LIPN: variants seen among roughly 807,000 people sequenced by gnomAD.
The protein encoded by LIPN is lipase member N.
Under a neutral mutation model 43.7 loss-of-function variants are expected in LIPN, and 32 were observed. The observed-to-expected ratio is 0.73, with a 90% CI of 0.55 to 0.98. The LOEUF is 0.98. LIPN is among the 50% of genes least tolerant of loss of function. LIPN has a pLI of 0.00. For synonymous variants in LIPN, 156 were observed against 157.6 expected (o/e 0.99, Z 0.08); for missense variants, 505 against 483.8 (o/e 1.04, Z -0.41).
At chr10:88,776,463 T>G (rs918002894) in intron 9 of LIPN, among the ~76,000 whole-genome samples, 1 of 152,132 alleles carries the variant, frequency 6.6e-6, no homozygotes, top group Non-Finnish European at 1.5e-5. Flanking sequence ...AGAGTGTTAA[T>G]GTCCTTAGAA....
At chr10:88,776,715 A>G (rs1202559906) in intron 9 of LIPN, among the ~76,000 whole-genome samples, 1 of 152,094 alleles carries the variant, frequency 6.6e-6, no homozygotes, top group African/African-American at 2.4e-5. Context: ...GTGTTTTCTC[A>G]TCTGGAAGAG....
chr10:88,761,258 T>TTTA lies in LIPN; in HGVS notation c.-8-137_-8-135dup, dbSNP rs1199879204. On this transcript the variant is annotated intron_variant, in intron 1 of 9. Transcript: ENST00000404459. ...TAGTGCTCCAAGTTAGTTCACTGTA[T>TTTA]TTATTCCTTTTTATACATTATCTGC... The TTTA allele has an allele frequency of 6.4e-6, 4 of 628,878 alleles. No homozygotes were observed. The African/African-American group carries it at 7.3e-5, about 11-fold the overall frequency. 39.0% of individuals were successfully genotyped at this position (628,878 alleles called of 1,614,324 possible). A position where few individuals can be genotyped will look rare whatever the true frequency, so the allele number is the denominator to read the frequency against.
chr10:88,759,220 G>T (rs1239517174), upstream of LIPN, among the ~76,000 whole-genome samples: 4 of 152,010 alleles, frequency 2.6e-5, no homozygotes, highest in Non-Finnish European at 4.4e-5. Context: ...CATTTTTTTT[G>T]AAAGGATTTG....
rs745749960 is a variant in LIPN, at chr10:88,764,483, T to A, written c.300T>A (p.Asn100Lys). The change falls in exon 4 of 10, where the codon AAT becomes AAA. Residue 100 changes from asparagine (N) to lysine (K), a missense_variant. Transcript: ENST00000404459. ...DNAYWLENYA[N>K]GSLGFLLADA... is the part of the protein sequence containing the mutation. ...CCTACTGGCTTGAGAATTATGCTAA[T>A]GGAAGCCTTGGATTCCTTCTAGCAG... The A allele has an allele frequency of 3.1e-6, 5 of 1,612,306 alleles. No homozygotes were observed. The African/African-American group carries it at 6.7e-5, about 22-fold the overall frequency.
At chr10:88,768,076 C>T (rs1190169354) in intron 5 of LIPN, among the ~76,000 whole-genome samples, 8 of 148,702 alleles carry the variant, frequency 5.4e-5, no homozygotes, top group Admixed American at 5.4e-4. Context: ...CAGTGGAGGC[C>T]CAGGAAGGGA....
intron 7 of LIPN, 61 bp downstream of exon 7, chr10:88,771,052 C>A: frequency 7.6e-7 from 1 of 1,313,420 alleles, no homozygotes; most frequent in South Asian, 1.4e-5. Flanking sequence ...TCCTTTGACT[C>A]ATTTTGATAT....
At chr10:88,764,197 C>T (rs917963380) in intron 3 of LIPN, among the ~76,000 whole-genome samples, 1 of 151,956 alleles carries the variant, frequency 6.6e-6, no homozygotes, top group East Asian at 1.9e-4. Flanking sequence ...GCACCAGGTA[C>T]AAAAATATGT....
chr10:88,762,737 C>A (rs954271362), intron 3 of LIPN, among the ~76,000 whole-genome samples: 3 of 152,052 alleles, frequency 2.0e-5, no homozygotes, highest in African/African-American at 7.2e-5. Flanking sequence ...CCTCCCTCTG[C>A]AGGATAAAAA....
In LIPN at chr10:88,778,257, CT is replaced by C. The variant is rs1402747302; in HGVS notation, c.*19del. The C allele has an allele frequency of 6.4e-7, 1 of 1,554,936 alleles. No homozygotes were observed. Among genetic ancestry groups the C allele is most frequent in the Non-Finnish European group, 8.8e-7 (1 of 1,138,168 alleles). On this transcript the variant is annotated 3_prime_UTR_variant, in exon 10 of 10. Transcript: ENST00000404459. ...CATATTCCTAAATGCAATGCATTTA[CT>C]TTTCAATTAAAAGTTGCTTCCAAGC...
At chr10:88,761,338 T>C in intron 1 of LIPN, 60 bp from the exon 2 acceptor site, 1 of 980,990 alleles carries the variant, frequency 1.0e-6, no homozygotes, top group Non-Finnish European at 1.6e-6. Flanking sequence ...AATCATTTTA[T>C]TTCATTAATC....
At chr10:88,771,722 G>C in intron 7 of LIPN, among the ~76,000 whole-genome samples, 1 of 150,540 alleles carries the variant, frequency 6.6e-6, no homozygotes, top group Non-Finnish European at 1.5e-5. Context: ...GGGTGCAGAT[G>C]TCTCTTCCAT....
At chr10:88,759,594 C>T (rs554446493), upstream of LIPN, among the ~76,000 whole-genome samples, 4 of 152,184 alleles carry the variant, frequency 2.6e-5, no homozygotes, top group South Asian at 8.3e-4. Context: ...GTCAGGGTTG[C>T]CTCATCTTCT....
chr10:88,772,715 C>G (rs2134855580), intron 7 of LIPN, among the ~76,000 whole-genome samples: 1 of 151,452 alleles, frequency 6.6e-6, no homozygotes, highest in Non-Finnish European at 1.5e-5. Flanking sequence ...TCTTTTTTCT[C>G]AGAATCTTAT....
chr10:88,775,276 C>A, intron 9 of LIPN, 113 bp downstream of exon 9: 1 of 533,448 alleles, frequency 1.9e-6, no homozygotes, highest in Non-Finnish European at 3.1e-6. Flanking sequence ...ACTGATAGAA[C>A]TTTTTTTTAA....
intron 6 of LIPN, among the ~76,000 whole-genome samples, chr10:88,770,588 T>C (rs1029758537): frequency 3.3e-5 from 5 of 151,876 alleles, no homozygotes; most frequent in African/African-American, 1.2e-4. Context: ...TTTTCCTGAA[T>C]AATTTGGTCT....
At chr10:88,768,751 T>A in intron 5 of LIPN, 41 bp from the exon 6 acceptor site, 1 of 1,583,600 alleles carries the variant, frequency 6.3e-7, no homozygotes, top group African/African-American at 1.4e-5. Context: ...ACTGCGTAAG[T>A]ATTTATTTTT....
At chr10:88,777,494 A>C (rs997955074) in intron 9 of LIPN, among the ~76,000 whole-genome samples, 1 of 151,776 alleles carries the variant, frequency 6.6e-6, no homozygotes. Context: ...CCGAGAAATG[A>C]CCCTTGTCTC....
Position 88,770,937 on chromosome 10 carries a change from A to G in LIPN, c.765A>G (p.Ile255Met). ...KICNNKILWL[I>M]CSEFMSLWAG... ...GCAACAATAAGATACTCTGGTTGAT[A>G]TGTAGCGAATTTATGTCCTTATGGG... Residue 255 changes from isoleucine to methionine, a missense_variant, in exon 7 of 10, where the codon ATA (isoleucine) becomes ATG (methionine). Physicochemically the swap from Ile to Met is conservative, Grantham distance 10 (BLOSUM62 1). Coordinates refer to ENST00000404459, the MANE Select transcript of LIPN (RefSeq NM_001102469.2). 1 of 1,563,962 alleles carries G rather than the reference A, an allele frequency of 6.4e-7. No individual in the cohort carries two copies. Among genetic ancestry groups the G allele is most frequent in the Non-Finnish European group, 8.7e-7 (1 of 1,151,992 alleles).
At chr10:88,775,506 CTG>C (rs889879176) in intron 9 of LIPN, among the ~76,000 whole-genome samples, 17 of 151,930 alleles carry the variant, frequency 1.1e-4, no homozygotes, top group African/African-American at 4.1e-4. Context: ...ACTAATATAA[CTG>C]AGGGATTTTT....
Sources: allele counts gnomAD v4.1 joint callset (sites outside exome capture counted in the v4.1 genomes callset), GRCh38; gene constraint gnomAD v4.1.1; transcripts MANE v1.5; gene names NCBI Gene and HGNC (gene_info 2026-07-23, HGNC 2026-07-21).